Variants in ALMS1 observed in about 807,000 individuals in gnomAD.
ALMS1 encodes the protein ALMS1 centrosome and basal body associated protein.
In ALMS1, 271 loss-of-function variants were observed where a neutral mutation model predicts 352.2. That is an observed-to-expected ratio of 0.77 (90% CI 0.70 to 0.85). The LOEUF (loss-of-function observed/expected upper bound fraction) is 0.85, where lower values mean the gene tolerates loss of function less well. Ranked by LOEUF, ALMS1 falls within the 40% of genes least tolerant of loss-of-function variation. The pLI, the probability that ALMS1 is intolerant of heterozygous loss-of-function variation, is 0.00. For synonymous variants in ALMS1, 1,865 were observed against 1,761.2 expected (o/e 1.06, Z -1.48); for missense variants, 5,445 against 4,870.7 (o/e 1.12, Z -3.51).
intron 10 of ALMS1, among the ~76,000 whole-genome samples, chr2:73,513,947 C>A (rs550933230): frequency 2.6e-5 from 4 of 152,094 alleles, no homozygotes; most frequent in Non-Finnish European, 5.9e-5. Flanking sequence ...CCGCCTTGTT[C>A]TGCCTACCTA....
chr2:73,528,978 T>G (rs952689472), intron 11 of ALMS1, among the ~76,000 whole-genome samples: 1 of 151,978 alleles, frequency 6.6e-6, no homozygotes, highest in Non-Finnish European at 1.5e-5. Flanking sequence ...TAAATTTGTC[T>G]TATAGGATTC....
intron 1 of ALMS1, 36 bp downstream of exon 1, chr2:73,386,228 G>A (rs956562037): frequency 3.4e-6 from 5 of 1,479,626 alleles, no homozygotes; most frequent in Non-Finnish European, 3.6e-6. Flanking sequence ...GAGCCGCGGC[G>A]AGTTGGGGGT....
Position 73,450,981 on chromosome 2 carries a change from T to G in ALMS1, c.4454T>G (p.Ile1485Ser), listed in dbSNP as rs564400636. 6.2e-7 allele frequency: 1 copy of G among 1,613,392 alleles called. No homozygotes were observed. Among genetic ancestry groups the G allele is most frequent in the Non-Finnish European group, 8.5e-7 (1 of 1,179,858 alleles). The change falls in exon 8 of 23, where the codon ATC becomes AGC. Residue 1485 changes from isoleucine to serine, a missense_variant. Transcript: ENST00000613296. Reference protein sequence around the residue: ...SSSFGEKPIVIYKQAFPEGHL... With the variant: ...SSSFGEKPIVSYKQAFPEGHL... ...TCATTTGGAGAGAAGCCCATTGTTA[T>G]CTACAAACAGGCCTTTCCAGAGGGT...
Position 73,452,354 on chromosome 2 carries a change from C to A in ALMS1, c.5827C>A (p.Arg1943Ser), listed in dbSNP as rs370398704. Residue 1943 changes from arginine to serine, a missense_variant, in exon 8 of 23, where the codon CGT becomes AGT. Transcript: ENST00000613296. ...IPTVPLSYYS[R>S]REKPSVISQQ... ...AACAGTACCTTTAAGTTACTACTCACGTAGAGAGAAGCCCAGTGTTATCTC... is the reference window on the plus strand; with the variant it reads ...AACAGTACCTTTAAGTTACTACTCAAGTAGAGAGAAGCCCAGTGTTATCTC... 1.9e-6 allele frequency: 3 copies of A among 1,614,004 alleles called. No homozygotes were observed. The highest frequency in any genetic ancestry group is 2.2e-5 in the East Asian group (1 of 44,864).
chr2:73,604,165 A>T (rs1263902435), intron 21 of ALMS1, among the ~76,000 whole-genome samples: 2 of 152,360 alleles, frequency 1.3e-5, no homozygotes, highest in African/African-American at 4.8e-5. Flanking sequence ...GGAAAGGATA[A>T]CAGTAGATTT....
intron 11 of ALMS1, among the ~76,000 whole-genome samples, chr2:73,521,014 G>A (rs984305656): frequency 3.3e-5 from 5 of 152,018 alleles, no homozygotes; most frequent in Non-Finnish European, 5.9e-5. Context: ...ACACGTAGAT[G>A]GAATATACCT....
chr2:73,446,143 G>A (rs188366623), intron 7 of ALMS1, among the ~76,000 whole-genome samples: 49 of 152,074 alleles, frequency 3.2e-4, no homozygotes, highest in East Asian at 1.2e-3. Context: ...ACCTATAGTC[G>A]TTCTTCCAGT....
At chr2:73,472,692 G>A (rs547639363) in intron 9 of ALMS1, among the ~76,000 whole-genome samples, 3 of 152,030 alleles carry the variant, frequency 2.0e-5, no homozygotes, top group African/African-American at 4.8e-5. Flanking sequence ...CATTCCTTGT[G>A]CCTAGATGAA....
intron 15 of ALMS1, among the ~76,000 whole-genome samples, chr2:73,567,033 G>C (rs538501292): frequency 2.0e-5 from 3 of 152,316 alleles, no homozygotes; most frequent in African/African-American, 7.2e-5. Context: ...GTGTTCACCA[G>C]ATGTGAAGCT....
chr2:73,494,313 A>G (rs539491670), intron 10 of ALMS1, among the ~76,000 whole-genome samples: 18 of 152,326 alleles, frequency 1.2e-4, no homozygotes, highest in African/African-American at 4.1e-4. Context: ...ACCAGGAGGT[A>G]GATGTCATTG....
At chr2:73,495,330 G>C (rs1004722487) in intron 10 of ALMS1, among the ~76,000 whole-genome samples, 3 of 152,080 alleles carry the variant, frequency 2.0e-5, no homozygotes, top group African/African-American at 7.2e-5. Context: ...CACCTCCCGG[G>C]TTCAAGCAAT....
In ALMS1 at chr2:73,424,886, A is replaced by G; in HGVS notation, c.1221A>G (p.Ala407=). The G allele has an allele frequency of 6.2e-7, 1 of 1,602,460 alleles. No individual in the cohort carries two copies. Among genetic ancestry groups the G allele is most frequent in the African/African-American group, 1.3e-5 (1 of 74,480 alleles). ...YWTQEDSSKQ[A]ETYLTKGLQG... Reference sequence around the variant, plus strand: ...CACAGGAAGATTCATCTAAGCAGGCAGAAACATATTTAACCAGTAAGTACC... The same window carrying G: ...CACAGGAAGATTCATCTAAGCAGGCGGAAACATATTTAACCAGTAAGTACC... Residue 407 remains alanine (A), a synonymous_variant, in exon 5 of 23, where the codon GCA becomes GCG. Coordinates refer to ENST00000613296, the MANE Select transcript of ALMS1 (RefSeq NM_001378454.1).
At chr2:73,522,085 ACTT>A (rs1673693001) in intron 11 of ALMS1, among the ~76,000 whole-genome samples, 1 of 152,122 alleles carries the variant, frequency 6.6e-6, no homozygotes, top group African/African-American at 2.4e-5. Context: ...CTATGTATTC[ACTT>A]CTTCCCCTAG....
chr2:73,540,746 T>C (rs919303937), intron 12 of ALMS1, among the ~76,000 whole-genome samples: 1 of 152,052 alleles, frequency 6.6e-6, no homozygotes. Flanking sequence ...AAAACAGACT[T>C]TAAACCAACA....
intron 1 of ALMS1, among the ~76,000 whole-genome samples, chr2:73,394,806 C>T (rs1020233651): frequency 1.3e-5 from 2 of 152,018 alleles, no homozygotes; most frequent in African/African-American, 4.8e-5. Flanking sequence ...TAGCCTACTA[C>T]ACACCTAGGC....
In ALMS1 at chr2:73,550,894, T is replaced by A. The variant is rs199583647; in HGVS notation, c.10078+457T>A. 6.6e-5 allele frequency among the ~76,000 whole-genome samples: 10 copies of A among 152,042 alleles called. No homozygotes were observed. In the East Asian group the frequency reaches 1.9e-3, roughly 29 times the overall value. ...TCTCACTCTGTCACCCAGGCTGGAG[T>A]GCAGTGATGCAATTATAGCTCACTG... On this transcript the variant is annotated intron_variant, in intron 13 of 22. Transcript: ENST00000613296.
chr2:73,402,378 A>G (rs1553398196), intron 1 of ALMS1, among the ~76,000 whole-genome samples: 1 of 144,374 alleles, frequency 6.9e-6, no homozygotes, highest in Non-Finnish European at 1.5e-5. Flanking sequence ...AGTTCAAGCG[A>G]TTCTTGTGTC....
chr2:73,459,907 A>T (rs187979983), intron 9 of ALMS1, among the ~76,000 whole-genome samples: 1 of 152,254 alleles, frequency 6.6e-6, no homozygotes, highest in East Asian at 1.9e-4. Context: ...TTCAGCAGAC[A>T]ATGTGTGTGT....
Position 73,448,497 on chromosome 2 carries a change from A to G in ALMS1, c.1970A>G (p.Gln657Arg). The G allele has an allele frequency of 6.2e-7, 1 of 1,614,036 alleles. No homozygotes were observed. Among genetic ancestry groups the G allele is most frequent in the Non-Finnish European group, 8.5e-7 (1 of 1,179,958 alleles). ...TCAGCTGCTCCTGGCCCAGTGGAGC[A>G]GAAGACGGGAATACCTACAGTATCC... ...EVSAAPGPVE[Q>R]KTGIPTVSST... Residue 657 changes from glutamine (Q) to arginine (R), a missense_variant, in exon 8 of 23, where the codon CAG (glutamine) becomes CGG (arginine). Transcript: ENST00000613296.
Sources: allele counts gnomAD v4.1 joint callset (sites outside exome capture counted in the v4.1 genomes callset), GRCh38; gene constraint gnomAD v4.1.1; transcripts MANE v1.5; gene names NCBI Gene and HGNC (gene_info 2026-07-23, HGNC 2026-07-21).